Variants in MRTFA observed in about 807,000 individuals in gnomAD.
The protein encoded by MRTFA is myocardin related transcription factor A.
A neutral mutation model predicts 83.5 loss-of-function variants in MRTFA; 20 were observed. The observed-to-expected ratio is 0.24, with a 90% CI of 0.17 to 0.35. MRTFA has a LOEUF of 0.35. MRTFA is among the 10% of genes least tolerant of loss of function. The pLI, the probability that MRTFA is intolerant of heterozygous loss-of-function variation, is 1.00. For missense variants in MRTFA, 1,200 were observed against 1,224.7 expected, an observed-to-expected ratio of 0.98 and a Z score of 0.30; for synonymous variants, 659 against 541.2, an observed-to-expected ratio of 1.22 and a Z score of -3.02.
intron 3 of MRTFA, among the ~76,000 whole-genome samples, chr22:40,484,857 G>A (rs2054148924): frequency 6.6e-6 from 1 of 151,892 alleles, no homozygotes; most frequent in Non-Finnish European, 1.5e-5. Flanking sequence ...CGGATCACGA[G>A]GTCAGGAGAT....
chr22:40,435,411 G>C (rs1327261089), intron 5 of MRTFA, 88 bp downstream of exon 5: 4 of 1,426,398 alleles, frequency 2.8e-6, no homozygotes, highest in Non-Finnish European at 4.0e-6. Flanking sequence ...GAGTTCTATG[G>C]AAAGCTCTAA....
intron 3 of MRTFA, chr22:40,526,763 AC>A (rs1477143451): frequency 6.6e-6 from 1 of 152,218 alleles, no homozygotes; most frequent in Non-Finnish European, 1.5e-5. Flanking sequence ...TTGTGAAGAT[AC>A]AGACACTGCA....
chr22:40,600,657 T>A (rs1371984514), intron 1 of MRTFA, among the ~76,000 whole-genome samples: 1 of 152,270 alleles, frequency 6.6e-6, no homozygotes, highest in East Asian at 1.9e-4. Context: ...TAAGGTACCA[T>A]AACATATGCA....
chr22:40,472,548 TGA>T (rs1181814468), intron 3 of MRTFA, among the ~76,000 whole-genome samples: 18 of 152,246 alleles, frequency 1.2e-4, no homozygotes, highest in Admixed American at 1.1e-3. Context: ...TTTTTCACAT[TGA>T]AAAACTTAAG....
At chr22:40,473,300 T>C (rs2053945034) in intron 3 of MRTFA, among the ~76,000 whole-genome samples, 1 of 152,134 alleles carries the variant, frequency 6.6e-6, no homozygotes, top group Non-Finnish European at 1.5e-5. Context: ...GCTGGGATTA[T>C]AGACTTGTAC....
At chr22:40,535,615 A>G (rs938688789) in intron 3 of MRTFA, among the ~76,000 whole-genome samples, 1 of 151,896 alleles carries the variant, frequency 6.6e-6, no homozygotes, top group African/African-American at 2.4e-5. Context: ...AGCTACCCAA[A>G]GTGTTGGGAT....
At chr22:40,629,788 A>C (rs1330978052) in intron 1 of MRTFA, among the ~76,000 whole-genome samples, 1 of 151,260 alleles carries the variant, frequency 6.6e-6, no homozygotes, top group Non-Finnish European at 1.5e-5. Context: ...AAAAAAAAAA[A>C]AAAAAAAAAA....
intron 3 of MRTFA, among the ~76,000 whole-genome samples, chr22:40,546,808 C>CA (rs2055371341): frequency 6.6e-6 from 1 of 152,208 alleles, no homozygotes; most frequent in African/African-American, 2.4e-5. Flanking sequence ...ACTGAGAAAA[C>CA]AGAGTTCTTA....
intron 3 of MRTFA, among the ~76,000 whole-genome samples, chr22:40,490,596 C>G (rs1440413190): frequency 1.4e-5 from 2 of 138,196 alleles, no homozygotes; most frequent in East Asian, 4.4e-4. Flanking sequence ...GAGATTCCAT[C>G]TCAAAAAAAA....
chr22:40,604,265 G>C (rs1197901952), intron 1 of MRTFA, among the ~76,000 whole-genome samples: 1 of 151,596 alleles, frequency 6.6e-6, no homozygotes, highest in Non-Finnish European at 1.5e-5. Context: ...TGAGTAGCTG[G>C]GACTACAGGC....
chr22:40,440,096 G>A (rs1425389167), intron 4 of MRTFA: 1 of 137,730 alleles, frequency 7.3e-6, no homozygotes. Context: ...AGGTTGCAGT[G>A]AACCAAGATT....
chr22:40,463,151 T>A lies in MRTFA; in HGVS notation c.307+70A>T. On this transcript the variant is annotated intron_variant, in intron 4 of 14. Coordinates refer to ENST00000355630, the MANE Select transcript of MRTFA (RefSeq NM_020831.6). ...CTTGTTTTATGTTAGATGCTTCCCA[T>A]GGCATACTCGGTGAACACAGCCATG... 6.9e-6 allele frequency: 9 copies of A among 1,303,296 alleles called. No homozygotes were observed. In the South Asian group the frequency reaches 9.5e-5, roughly 14 times the overall value. 80.7% of individuals were successfully genotyped at this position (1,303,296 alleles called of 1,614,324 possible).
intron 3 of MRTFA, among the ~76,000 whole-genome samples, chr22:40,472,712 G>C (rs951498618): frequency 6.6e-6 from 1 of 152,024 alleles, no homozygotes; most frequent in African/African-American, 2.4e-5. Context: ...TACAGACCAG[G>C]GATATCCACT....
chr22:40,423,490 A>G (rs374542322), intron 9 of MRTFA, 46 bp downstream of exon 9: 4 of 1,413,106 alleles, frequency 2.8e-6, no homozygotes, highest in Non-Finnish European at 3.7e-6. Context: ...GCAGGACTCC[A>G]AAGGGCACAG....
intron 6 of MRTFA, among the ~76,000 whole-genome samples, chr22:40,430,435 C>A (rs531014925): frequency 2.0e-5 from 3 of 152,112 alleles, no homozygotes; most frequent in African/African-American, 7.2e-5. Flanking sequence ...CTGCAGTGAG[C>A]CGAGACTGTG....
intron 3 of MRTFA, among the ~76,000 whole-genome samples, chr22:40,530,567 G>A (rs1224782388): frequency 6.6e-6 from 1 of 152,218 alleles, no homozygotes; most frequent in Non-Finnish European, 1.5e-5. Context: ...AAAGTGCTGG[G>A]ATTACAGGCG....
chr22:40,447,876 G>A (rs888006145), intron 4 of MRTFA, among the ~76,000 whole-genome samples: 1 of 152,134 alleles, frequency 6.6e-6, no homozygotes, highest in African/African-American at 2.4e-5. Flanking sequence ...ATTTCATCAA[G>A]AGGTGGCAGA....
chr22:40,435,372 G>A, intron 5 of MRTFA, 127 bp downstream of exon 5: 1 of 985,118 alleles, frequency 1.0e-6, no homozygotes. Context: ...GCCAGGGCTG[G>A]CCCTAGAGTC....
intron 4 of MRTFA, among the ~76,000 whole-genome samples, chr22:40,455,288 C>T (rs956391225): frequency 3.3e-5 from 5 of 152,176 alleles, no homozygotes; most frequent in African/African-American, 1.2e-4. Context: ...TCTATCTTCA[C>T]TTAACATACT....
Sources: allele counts gnomAD v4.1 joint callset (sites outside exome capture counted in the v4.1 genomes callset), GRCh38; gene constraint gnomAD v4.1.1; transcripts MANE v1.5; gene names NCBI Gene and HGNC (gene_info 2026-07-23, HGNC 2026-07-21).